Variants in ARHGEF38 observed in about 807,000 individuals in gnomAD.
ARHGEF38 encodes the protein Rho guanine nucleotide exchange factor (GEF) 38.
Under a neutral mutation model 79.9 loss-of-function variants are expected in ARHGEF38, and 79 were observed. The ratio of observed to expected loss-of-function variants is 0.99; its 90% CI spans 0.82 to 1.19. The LOEUF (loss-of-function observed/expected upper bound fraction) is 1.19. Among genes scored for constraint, ARHGEF38 ranks in the 50% most tolerant of loss-of-function variants. The pLI, the probability that ARHGEF38 is intolerant of heterozygous loss-of-function variation, is 0.00. For synonymous variants in ARHGEF38, 366 were observed against 328.3 expected, an observed-to-expected ratio of 1.11 and a Z score of -1.24; for missense variants, 962 against 907.2, an observed-to-expected ratio of 1.06 and a Z score of -0.78.
intron 3 of ARHGEF38, 80 bp from the exon 4 acceptor site, chr4:105,630,818 G>A: frequency 1.5e-6 from 2 of 1,314,204 alleles, no homozygotes; most frequent in Non-Finnish European, 2.1e-6. Context: ...TTTGACACGA[G>A]TCGACATTGT....
chr4:105,612,805 A>C (rs530154893), intron 2 of ARHGEF38, among the ~76,000 whole-genome samples: 1 of 152,294 alleles, frequency 6.6e-6, no homozygotes, highest in Admixed American at 6.5e-5. Context: ...ACTTGCTATA[A>C]GATCTAAGAA....
At chr4:105,630,265 T>TG (rs929228911) in intron 3 of ARHGEF38, among the ~76,000 whole-genome samples, 5 of 151,170 alleles carry the variant, frequency 3.3e-5, no homozygotes, top group African/African-American at 1.2e-4. Flanking sequence ...TTTTTTTTTT[T>TG]GAGATAGAGT....
At position 105,654,089 on chromosome 4, in the gene ARHGEF38, G is replaced by A. The variant is rs898314850; in HGVS notation, c.1033G>A (p.Glu345Lys). 1 of 1,512,648 alleles carries A rather than the reference G, an allele frequency of 6.6e-7. No homozygotes were observed. Among genetic ancestry groups the A allele is most frequent in the Non-Finnish European group, 8.8e-7 (1 of 1,130,946 alleles). 93.7% of individuals were successfully genotyped at this position (1,512,648 alleles called of 1,614,324 possible). ...GGTTAAAGACAATACCTTTAACAGA[G>A]AAGAAAAGCTGTTTAGAGCTTTAGA... ...SQVKDNTFNREEKLFRALEKT... is the reference protein window; with the variant it reads ...SQVKDNTFNRKEKLFRALEKT... Residue 345 changes from glutamate (E) to lysine (K), a missense_variant, in exon 8 of 14, where the codon GAA (glutamate) becomes AAA (lysine). By Grantham distance (56) the Glu-to-Lys change is moderately conservative. Transcript: ENST00000420470.
intron 2 of ARHGEF38, 151 bp from the exon 3 acceptor site, chr4:105,613,233 A>AG: frequency 9.6e-7 from 1 of 1,039,962 alleles, no homozygotes; most frequent in Non-Finnish European, 1.3e-6. Context: ...TGGAAAAAAA[A>AG]ACTGCACTCT....
At chr4:105,583,779 T>A (rs570042165) in intron 1 of ARHGEF38, among the ~76,000 whole-genome samples, 1 of 152,326 alleles carries the variant, frequency 6.6e-6, no homozygotes, top group African/African-American at 2.4e-5. Context: ...CCCTTACTAT[T>A]TATTTGTTAA....
intron 1 of ARHGEF38, chr4:105,561,442 ATAGAATG>A (rs1725559844): frequency 1.5e-5 from 1 of 67,782 alleles, no homozygotes; most frequent in Non-Finnish European, 2.8e-5. Context: ...ATAGAATAGA[ATAGAATG>A]GAATAGAATA....
At chr4:105,652,003 G>A (rs534491651) in intron 7 of ARHGEF38, among the ~76,000 whole-genome samples, 2 of 152,316 alleles carry the variant, frequency 1.3e-5, no homozygotes, top group East Asian at 3.9e-4. Flanking sequence ...CCAAGACTCA[G>A]ACATGAAAAC....
intron 7 of ARHGEF38, among the ~76,000 whole-genome samples, chr4:105,651,733 C>T (rs1730113470): frequency 6.6e-6 from 1 of 152,062 alleles, no homozygotes; most frequent in African/African-American, 2.4e-5. Flanking sequence ...TAGCTCGCTG[C>T]AGCCTCAAAC....
chr4:105,608,910 C>T (rs901804251), intron 2 of ARHGEF38, among the ~76,000 whole-genome samples: 5 of 151,942 alleles, frequency 3.3e-5, no homozygotes, highest in African/African-American at 1.2e-4. Context: ...ATATTAACAC[C>T]CCTTATCAGA....
At chr4:105,626,117 A>G (rs554957299) in intron 3 of ARHGEF38, among the ~76,000 whole-genome samples, 29 of 152,324 alleles carry the variant, frequency 1.9e-4, no homozygotes, top group African/African-American at 5.5e-4. Context: ...AGATTAATAT[A>G]TCCAATTTCC....
rs1731266745 is a variant in ARHGEF38 at position 105,680,345 on chromosome 4, G to A, written c.*2408G>A. 1 of 262,280 alleles carries A rather than the reference G, an allele frequency of 3.8e-6. No homozygotes were observed. The highest frequency in any genetic ancestry group is 2.2e-5 in the African/African-American group (1 of 45,128). The allele number at this position is 262,280 out of a possible 1,614,324, so 16.2% of individuals were successfully genotyped here. A position where few individuals can be genotyped will look rare whatever the true frequency, so the allele number is the denominator to read the frequency against. ...TAAAAGCTTACTTGTTAGCACACTT[G>A]CTTATCTGTCCATTCATTCATTGAA... On this transcript the variant is annotated 3_prime_UTR_variant, in exon 14 of 14. Transcript: ENST00000420470.
At chr4:105,554,958 A>G (rs1236330518) in intron 1 of ARHGEF38, among the ~76,000 whole-genome samples, 1 of 152,096 alleles carries the variant, frequency 6.6e-6, no homozygotes, top group East Asian at 1.9e-4. Context: ...TTTCTGTCTG[A>G]GTTTCACTAA....
Position 105,552,834 on chromosome 4 carries a change from G to T in ARHGEF38, c.69G>T (p.Arg23Ser), listed in dbSNP as rs146139851. The T allele has an allele frequency of 2.5e-4, 405 of 1,613,822 alleles. No homozygotes were observed. The highest frequency in any genetic ancestry group is 3.2e-4 in the Non-Finnish European group (383 of 1,179,882). ...AGAAAAAGAATCTGGCCTTCTTGAG[G>T]TCTAGACTCTATATGCTGGAGAGAA... ...VTKKKNLAFLRSRLYMLERRK... is the reference protein window; with the variant it reads ...VTKKKNLAFLSSRLYMLERRK... The change falls in exon 1 of 14, where the codon AGG (arginine) becomes AGT (serine). Residue 23 changes from arginine to serine, a missense_variant. By Grantham distance (110) the Arg-to-Ser change is moderately radical. Coordinates refer to ENST00000420470, the MANE Select transcript of ARHGEF38 (RefSeq NM_001242729.2).
At chr4:105,561,439 A>AGAATGGAATGGAATGGAATGGAATG (rs1725556797) in intron 1 of ARHGEF38, among the ~76,000 whole-genome samples, 2 of 44,682 alleles carry the variant, frequency 4.5e-5, no homozygotes, top group African/African-American at 2.0e-4. Context: ...AGAATAGAAT[A>AGAATGGAATGGAATGGAATGGAATG]GAATAGAATG....
At chr4:105,558,789 A>G (rs1339038829) in intron 1 of ARHGEF38, among the ~76,000 whole-genome samples, 1 of 151,390 alleles carries the variant, frequency 6.6e-6, no homozygotes, top group Admixed American at 6.6e-5. Context: ...ACTTTCTTAA[A>G]AGTAGCAAAC....
chr4:105,553,327 A>G (rs902025708), intron 1 of ARHGEF38, among the ~76,000 whole-genome samples: 1 of 152,156 alleles, frequency 6.6e-6, no homozygotes, highest in African/African-American at 2.4e-5. Context: ...AAGATTGTTT[A>G]TCTCAATGGG....
At position 105,667,509 on chromosome 4, in the gene ARHGEF38, G is replaced by T; in HGVS notation, c.1954G>T (p.Asp652Tyr). 1 of 1,536,498 alleles carries T rather than the reference G, an allele frequency of 6.5e-7. No homozygotes were observed. Among genetic ancestry groups the T allele is most frequent in the Non-Finnish European group, 8.7e-7 (1 of 1,147,004 alleles). ...PYNPAKMQKV[D>Y]AENRFCDDDF... ...CAATCCAGCAAAAATGCAGAAAGTG[G>T]ATGCTGAGAACAGGTTCTGTGACGA... The change falls in exon 13 of 14, where the codon GAT (aspartate) becomes TAT (tyrosine). Residue 652 changes from aspartate (D) to tyrosine (Y), a missense_variant. By Grantham distance (160) the Asp-to-Tyr change is radical (BLOSUM62 -3). Coordinates refer to ENST00000420470, the MANE Select transcript of ARHGEF38 (RefSeq NM_001242729.2).
In ARHGEF38 at chr4:105,654,065, G is replaced by A. The variant is rs763753627; in HGVS notation, c.1009G>A (p.Val337Ile). ...GAAAATAATTTCATATATATTTTAG[G>A]TTAAAGACAATACCTTTAACAGAGA... is the stretch of plus-strand genomic sequence containing the variant. ...LKILTRGESQ[V>I]KDNTFNREEK... is the part of the protein sequence containing the mutation. The change falls in exon 8 of 14, where the codon GTT (valine) becomes ATT (isoleucine). Residue 337 changes from valine to isoleucine, a missense_variant and splice_region_variant. Transcript: ENST00000420470. The A allele has an allele frequency of 6.9e-7, 1 of 1,451,576 alleles. No individual in the cohort carries two copies. The highest frequency in any genetic ancestry group is 1.4e-5 in the South Asian group (1 of 72,574). The allele number at this position is 1,451,576 out of a possible 1,614,324, so 89.9% of individuals were successfully genotyped here.
chr4:105,561,457 A>G (rs1239684243), intron 1 of ARHGEF38: 1 of 67,602 alleles, frequency 1.5e-5, no homozygotes, highest in Non-Finnish European at 3.0e-5. Flanking sequence ...ATGGAATAGA[A>G]TAGAATAGAA....
Sources: gnomAD v4.1 joint callset for allele counts (sites outside exome capture counted in the v4.1 genomes callset) on GRCh38, gnomAD v4.1.1 for gene constraint, MANE v1.5 for transcripts, NCBI Gene and HGNC (gene_info 2026-07-23, HGNC 2026-07-21) for gene names.